Variants in ATP2B2 observed in about 807,000 individuals in gnomAD.
ATP2B2 encodes the protein ATPase plasma membrane Ca2+ transporting 2.
A neutral mutation model predicts 120.0 loss-of-function variants in ATP2B2; 15 were observed. That is an observed-to-expected ratio of 0.12 (90% CI 0.08 to 0.19). The LOEUF (loss-of-function observed/expected upper bound fraction) is 0.19, where lower values mean the gene tolerates loss of function less well. Among genes scored for constraint, ATP2B2 ranks in the 10% least tolerant of loss-of-function variants. The pLI is 1.00. For missense variants in ATP2B2, 1,045 were observed against 1,719.8 expected, an observed-to-expected ratio of 0.61 and a Z score of 6.94; for synonymous variants, 694 against 700.3, an observed-to-expected ratio of 0.99 and a Z score of 0.14.
At chr3:10,483,878 G>A (rs1189353975) in intron 1 of ATP2B2, among the ~76,000 whole-genome samples, 1 of 152,192 alleles carries the variant, frequency 6.6e-6, no homozygotes, top group Non-Finnish European at 1.5e-5. Context: ...ATTGGCGTCA[G>A]CCCCCGGCAC....
At chr3:10,452,343 C>G (rs573037599) in intron 1 of ATP2B2, among the ~76,000 whole-genome samples, 1 of 152,336 alleles carries the variant, frequency 6.6e-6, no homozygotes, top group East Asian at 1.9e-4. Context: ...TAGTGCAGAG[C>G]CTCAATACGG....
intron 1 of ATP2B2, among the ~76,000 whole-genome samples, chr3:10,669,316 G>A (rs756844441): frequency 2.8e-4 from 43 of 152,120 alleles, no homozygotes; most frequent in Middle Eastern, 3.4e-3. Context: ...GTACAGCCTC[G>A]GCCAGACCTC....
At chr3:10,378,099 A>G (rs1429209077) in intron 10 of ATP2B2, among the ~76,000 whole-genome samples, 153 bp downstream of exon 10, 1 of 152,258 alleles carries the variant, frequency 6.6e-6, no homozygotes, top group Non-Finnish European at 1.5e-5. Flanking sequence ...CACAGGACTC[A>G]GACTGGGTGC....
chr3:10,539,768 G>C (rs2067393469), intron 2 of ATP2B2, among the ~76,000 whole-genome samples: 1 of 152,118 alleles, frequency 6.6e-6, no homozygotes, highest in African/African-American at 2.4e-5. Flanking sequence ...AAAAACCCTA[G>C]AAGAAAACCT....
upstream of ATP2B2, among the ~76,000 whole-genome samples, chr3:10,509,336 G>A (rs1396632004): frequency 2.0e-5 from 3 of 152,142 alleles, no homozygotes; most frequent in African/African-American, 7.2e-5. Flanking sequence ...TAGACACCTG[G>A]GTAGGAGTTC....
intron 2 of ATP2B2, among the ~76,000 whole-genome samples, chr3:10,608,163 G>A (rs1389514254): frequency 6.6e-6 from 1 of 152,204 alleles, no homozygotes; most frequent in Non-Finnish European, 1.5e-5. Flanking sequence ...GGATTTTTAA[G>A]TCATAGCTTT....
intron 2 of ATP2B2, among the ~76,000 whole-genome samples, chr3:10,434,095 G>A (rs1026144642): frequency 6.6e-6 from 1 of 152,208 alleles, no homozygotes; most frequent in Non-Finnish European, 1.5e-5. Context: ...GCTAGGGGGT[G>A]GGGCATACCC....
chr3:10,592,760 CTGTT>C (rs1319408304), intron 2 of ATP2B2, among the ~76,000 whole-genome samples: 1 of 152,190 alleles, frequency 6.6e-6, no homozygotes, highest in Non-Finnish European at 1.5e-5. Flanking sequence ...TGGAATATGA[CTGTT>C]TGCTTCCATT....
Position 10,326,815 on chromosome 3 carries a change from C to T in ATP2B2, c.*1999G>A. The T allele has an allele frequency of 2.5e-6, 1 of 399,028 alleles. No homozygotes were observed. The highest frequency in any genetic ancestry group is 4.4e-6 in the Non-Finnish European group (1 of 226,080). 24.7% of individuals were successfully genotyped at this position (399,028 alleles called of 1,614,324 possible). A position where few individuals can be genotyped will look rare whatever the true frequency, so the allele number is the denominator to read the frequency against. ...AACCCCAAACCCTCAAGTTTTTCCA[C>T]CGCCATCCAGATGTAGGCCCTCCCA... On this transcript the variant is annotated 3_prime_UTR_variant, in exon 23 of 23. Transcript: ENST00000360273.
chr3:10,444,234 C>T (rs1040403751), intron 2 of ATP2B2, among the ~76,000 whole-genome samples: 4 of 152,206 alleles, frequency 2.6e-5, no homozygotes, highest in African/African-American at 9.6e-5. Context: ...CATGACCCTG[C>T]CCAGGCTTCC....
chr3:10,676,525 C>CACAT (rs2125697677), intron 1 of ATP2B2, among the ~76,000 whole-genome samples: 1 of 125,392 alleles, frequency 8.0e-6, no homozygotes, highest in South Asian at 3.2e-4. Flanking sequence ...GGGACAGAAC[C>CACAT]ACACACACAC....
At chr3:10,441,314 A>T (rs1174102880) in intron 2 of ATP2B2, among the ~76,000 whole-genome samples, 2 of 151,926 alleles carry the variant, frequency 1.3e-5, no homozygotes, top group Admixed American at 1.3e-4. Flanking sequence ...ATCTCGGCTC[A>T]CTGCAACCTC....
chr3:10,366,576 T>C (rs1030540384), intron 12 of ATP2B2, among the ~76,000 whole-genome samples: 3 of 152,202 alleles, frequency 2.0e-5, no homozygotes, highest in Non-Finnish European at 4.4e-5. Context: ...ATAGTTCAAA[T>C]GTCAACTGCA....
At chr3:10,374,481 C>G (rs2061329851) in intron 11 of ATP2B2, among the ~76,000 whole-genome samples, 3 of 152,272 alleles carry the variant, frequency 2.0e-5, no homozygotes, top group Admixed American at 2.0e-4. Flanking sequence ...ACCATGCCCT[C>G]TGGAGGCTCT....
At chr3:10,393,491 C>T (rs1179495304) in intron 5 of ATP2B2, among the ~76,000 whole-genome samples, 1 of 152,174 alleles carries the variant, frequency 6.6e-6, no homozygotes, top group African/African-American at 2.4e-5. Flanking sequence ...ACAGATAGGG[C>T]ATCAGCTCAG....
At chr3:10,397,830 C>T (rs149209069) in intron 5 of ATP2B2, among the ~76,000 whole-genome samples, 152 of 152,284 alleles carry the variant, frequency 1.0e-3, no homozygotes, top group Non-Finnish European at 1.2e-3. Flanking sequence ...CAGTCGGTGA[C>T]GGGGAACTCA....
At chr3:10,504,877 A>T (rs1244580963) in intron 1 of ATP2B2, among the ~76,000 whole-genome samples, 1 of 152,008 alleles carries the variant, frequency 6.6e-6, no homozygotes, top group Non-Finnish European at 1.5e-5. Context: ...CATGGAGGGG[A>T]CCCAGGAACA....
At position 10,522,194 on chromosome 3, in the gene ATP2B2, T is replaced by G. The variant is rs117531740; in HGVS notation, c.-320+11845A>C. Among the ~76,000 whole-genome samples, 58 of 152,344 alleles carry G rather than the reference T, an allele frequency of 3.8e-4. No homozygotes were observed. In the East Asian group the frequency reaches 0.011, roughly 29 times the overall value. Reference sequence around the variant, plus strand: ...AGTGCAGTGTCCACCCTCCAGCTCCTCGTGGTCCCGTGTATGTGTACTGCT... The same window carrying G: ...AGTGCAGTGTCCACCCTCCAGCTCCGCGTGGTCCCGTGTATGTGTACTGCT... On this transcript the variant is annotated intron_variant, in intron 3 of 21. Coordinates refer to the ATP2B2 transcript ENST00000646379.
At chr3:10,580,215 C>A (rs1485896926) in intron 2 of ATP2B2, among the ~76,000 whole-genome samples, 1 of 152,140 alleles carries the variant, frequency 6.6e-6, no homozygotes, top group East Asian at 1.9e-4. Flanking sequence ...AAATCCTGTG[C>A]TCATCTTAAT....
Sources: gnomAD v4.1 joint callset for allele counts (sites outside exome capture counted in the v4.1 genomes callset) on GRCh38, gnomAD v4.1.1 for gene constraint, MANE v1.5 for transcripts, NCBI Gene and HGNC (gene_info 2026-07-23, HGNC 2026-07-21) for gene names.